The following KCNK9 variants were observed in gnomAD, a reference collection of about 807,000 sequenced individuals.
The protein encoded by KCNK9 is potassium channel subfamily K member 9.
In KCNK9, 1 loss-of-function variant was observed where a neutral mutation model predicts 10.8. The observed-to-expected ratio is 0.09, with a 90% CI of 0.03 to 0.44. KCNK9 has a LOEUF of 0.44. KCNK9 is among the 20% of genes least tolerant of loss of function. The pLI is 0.97. For missense variants in KCNK9, 303 were observed against 515.0 expected (o/e 0.59, Z 3.98); for synonymous variants, 231 against 222.7 (o/e 1.04, Z -0.33).
chr8:139,638,621 A>T (rs1346141302), intron 1 of KCNK9, among the ~76,000 whole-genome samples: 2 of 152,222 alleles, frequency 1.3e-5, no homozygotes, highest in African/African-American at 4.8e-5. Context: ...TCCCTGAGCC[A>T]AGTGCCAGCT....
In KCNK9 at chr8:139,702,846, C is replaced by T. The variant is rs758776990; in HGVS notation, c.147G>A (p.Lys49=). Residue 49 remains lysine (K), a synonymous_variant, in exon 1 of 2, where the codon AAG becomes AAA. Transcript: ENST00000520439. The surrounding 1 kb of genome is among the most constrained non-coding windows in gnomAD (Gnocchi z 7.5). ...CCTCGCTGCTGATGTTGTACTTCCC[C>T]TTGATCCGGATCTCCTCGGCTTTGA... ...EKLKAEEIRI[K]GKYNISSEDY... is the part of the protein sequence containing the mutation. The T allele has an allele frequency of 3.1e-6, 5 of 1,613,966 alleles. No individual in the cohort carries two copies. The African/African-American group carries it at 4.0e-5, about 13-fold the overall frequency.
intron 1 of KCNK9, among the ~76,000 whole-genome samples, chr8:139,675,014 C>A (rs140375248): frequency 6.6e-6 from 1 of 152,306 alleles, no homozygotes; most frequent in East Asian, 1.9e-4. Flanking sequence ...ATAGCACTGG[C>A]CTTAGAGTCA....
chr8:139,603,614 A>G (rs1438629820), intron 2 of KCNK9, among the ~76,000 whole-genome samples: 1 of 152,364 alleles, frequency 6.6e-6, no homozygotes, highest in South Asian at 2.1e-4. Context: ...GTATACGGCC[A>G]GGACTGTCCA....
At chr8:139,650,675 G>A (rs537933273) in intron 1 of KCNK9, among the ~76,000 whole-genome samples, 19 of 152,346 alleles carry the variant, frequency 1.2e-4, no homozygotes, top group Non-Finnish European at 1.9e-4. Context: ...ATCGGATAGA[G>A]ATGGAAAGTT....
chr8:139,615,655 G>GAAGAC (rs369636541), downstream of KCNK9, among the ~76,000 whole-genome samples: 351 of 152,246 alleles, frequency 2.3e-3, 1 homozygote, highest in African/African-American at 8.1e-3. Flanking sequence ...GTAGCAAAGA[G>GAAGAC]AAGACATAGG....
intron 1 of KCNK9, among the ~76,000 whole-genome samples, chr8:139,688,321 C>T (rs1344722279): frequency 6.6e-6 from 1 of 152,138 alleles, no homozygotes; most frequent in Non-Finnish European, 1.5e-5. Context: ...TTAAAGAAAA[C>T]AGGTTAAATT....
In KCNK9 at chr8:139,660,303, G is replaced by A. The variant is rs548944183; in HGVS notation, c.284-41204C>T. 3.3e-5 allele frequency among the ~76,000 whole-genome samples: 5 copies of A among 152,114 alleles called. No individual in the cohort carries two copies. The East Asian group carries it at 5.8e-4, about 18-fold the overall frequency. On this transcript the variant is annotated intron_variant, in intron 1 of 1. Coordinates refer to ENST00000520439, the MANE Select transcript of KCNK9 (RefSeq NM_001282534.2). ...CGACAGGCCCCTGGCTCCTCCATAC[G>A]ATGCATTAAAAATAGGATAGGCCCA...
At position 139,641,607 on chromosome 8, in the gene KCNK9, G is replaced by A. The variant is rs546688828; in HGVS notation, c.284-22508C>T. 1.2e-4 allele frequency among the ~76,000 whole-genome samples: 17 copies of A among 141,916 alleles called. No individual in the cohort carries two copies. The East Asian group carries it at 3.1e-3, about 26-fold the overall frequency. 93.1% of individuals were successfully genotyped at this position (141,916 alleles called of 152,430 possible). Reference sequence around the variant, plus strand: ...CCTCTCCAGAAGCTGGTGGCCTCCCGCTCTGCCCCAGCGCTCTGGCCTGCC... The same window carrying A: ...CCTCTCCAGAAGCTGGTGGCCTCCCACTCTGCCCCAGCGCTCTGGCCTGCC... On this transcript the variant is annotated intron_variant, in intron 1 of 1. Transcript: ENST00000520439.
At chr8:139,632,248 AG>A (rs1307908515) in intron 1 of KCNK9, among the ~76,000 whole-genome samples, 8 of 152,304 alleles carry the variant, frequency 5.3e-5, no homozygotes, top group East Asian at 1.9e-4. Context: ...ATGCAAAAAA[AG>A]GGCCTCAAAA....
At chr8:139,688,988 T>A (rs1322515243) in intron 1 of KCNK9, among the ~76,000 whole-genome samples, 1 of 151,886 alleles carries the variant, frequency 6.6e-6, no homozygotes, top group Non-Finnish European at 1.5e-5. Flanking sequence ...TGGAAAAAAA[T>A]AAGGTAAAAT....
chr8:139,660,445 A>ATAT (rs1563739938), intron 1 of KCNK9, among the ~76,000 whole-genome samples: 1 of 126,874 alleles, frequency 7.9e-6, no homozygotes, highest in Non-Finnish European at 1.5e-5. Flanking sequence ...CTCTGCTAAA[A>ATAT]AAAAATATAT....
In KCNK9 at chr8:139,702,624, C is replaced by T; in HGVS notation, c.283+86G>A. The T allele has an allele frequency of 7.1e-7, 1 of 1,417,584 alleles. No individual in the cohort carries two copies. Among genetic ancestry groups the T allele is most frequent in the Non-Finnish European group, 9.5e-7 (1 of 1,053,384 alleles). The allele number at this position is 1,417,584 out of a possible 1,614,324, so 87.8% of individuals were successfully genotyped here. A position where few individuals can be genotyped will look rare whatever the true frequency, so the allele number is the denominator to read the frequency against. On this transcript the variant is annotated intron_variant, in intron 1 of 1. Transcript: ENST00000520439. The surrounding 1 kb of genome is among the most constrained non-coding windows in gnomAD (Gnocchi z 7.5). ...GAGGCTGCGTTTAACCCTCGACGCC[C>T]TGCACCCAGCCCGGCGCGGCGCGCT...
downstream of KCNK9, among the ~76,000 whole-genome samples, chr8:139,610,433 A>C (rs1391793633): frequency 1.3e-5 from 2 of 152,234 alleles, no homozygotes; most frequent in Non-Finnish European, 2.9e-5. Context: ...TCTTTTATAC[A>C]GCATTTTCCT....
intron 1 of KCNK9, among the ~76,000 whole-genome samples, chr8:139,701,338 T>C (rs1328458320): frequency 6.6e-6 from 1 of 152,230 alleles, no homozygotes; most frequent in East Asian, 1.9e-4. Flanking sequence ...GAATTAAACA[T>C]TTAAAACAAG....
rs1319702618 is a variant in KCNK9, at chr8:139,702,344, G to C, written c.283+366C>G. Among the ~76,000 whole-genome samples the C allele has an allele frequency of 6.6e-6, 1 of 152,182 alleles. No individual in the cohort carries two copies. The highest frequency in any genetic ancestry group is 1.5e-5 in the Non-Finnish European group (1 of 68,020). On this transcript the variant is annotated intron_variant, in intron 1 of 1. Coordinates refer to ENST00000520439, the MANE Select transcript of KCNK9 (RefSeq NM_001282534.2). This position sits in a 1 kb window ranked among gnomAD's most constrained non-coding sequence, Gnocchi z 7.5. Reference sequence around the variant, plus strand: ...TAGTAAGTGTAAGGCTCAGAGCCCCGCGCAGCCCAGCCCGCGCCGGGGCGG... The same window carrying C: ...TAGTAAGTGTAAGGCTCAGAGCCCCCCGCAGCCCAGCCCGCGCCGGGGCGG...
intron 1 of KCNK9, among the ~76,000 whole-genome samples, chr8:139,625,189 G>T (rs1048545744): frequency 6.6e-6 from 1 of 152,172 alleles, no homozygotes; most frequent in African/African-American, 2.4e-5. Flanking sequence ...TGCCCATGTG[G>T]ATCTGTAGCC....
chr8:139,666,003 T>G (rs1252297165), intron 1 of KCNK9, among the ~76,000 whole-genome samples: 1 of 152,136 alleles, frequency 6.6e-6, no homozygotes, highest in African/African-American at 2.4e-5. Flanking sequence ...ACCTGGGAAG[T>G]AGTGAGTGCT....
Position 139,618,780 on chromosome 8 carries a change from C to T in KCNK9, c.603G>A (p.Gly201=). ...YYCFITLTTI[G]FGDYVALQTK... is the part of the protein sequence containing the mutation. Reference sequence around the variant, plus strand: ...TCTGCAGGGCCACGTAGTCCCCGAACCCAATGGTAGTCAACGTGATGAAGC... The same window carrying T: ...TCTGCAGGGCCACGTAGTCCCCGAATCCAATGGTAGTCAACGTGATGAAGC... Residue 201 remains glycine, a synonymous_variant, in exon 2 of 2, where the codon GGG becomes GGA. Transcript: ENST00000520439. This position sits in a 1 kb window ranked among gnomAD's most constrained non-coding sequence, Gnocchi z 7.9. 1.9e-6 allele frequency: 3 copies of T among 1,614,158 alleles called. No homozygotes were observed. The highest frequency in any genetic ancestry group is 4.5e-5 in the East Asian group (2 of 44,876).
chr8:139,687,411 C>CATATATATGTATATACATATATATTCAT (rs71318310), intron 1 of KCNK9, among the ~76,000 whole-genome samples: 1 of 73,134 alleles, frequency 1.4e-5, no homozygotes, highest in Non-Finnish European at 2.8e-5. Context: ...CATATATATT[C>CATATATATGTATATACATATATATTCAT]ATATATGTGT....
Sources: gnomAD v4.1 joint callset for allele counts (sites outside exome capture counted in the v4.1 genomes callset) on GRCh38, gnomAD v4.1.1 for gene constraint, Gnocchi (gnomAD v3.1) non-coding constraint, MANE v1.5 for transcripts, NCBI Gene and HGNC (gene_info 2026-07-23, HGNC 2026-07-21) for gene names.